SVEP1: variants seen among roughly 807,000 people sequenced by gnomAD.
The protein encoded by SVEP1 is sushi, von Willebrand factor type A, EGF and pentraxin domain-containing protein 1.
A neutral mutation model predicts 367.3 loss-of-function variants in SVEP1; 164 were observed. That is an observed-to-expected ratio of 0.45 (90% CI 0.39 to 0.51). SVEP1 has a LOEUF of 0.51. Ranked by LOEUF, SVEP1 falls within the 20% of genes least tolerant of loss-of-function variation. The probability of loss-of-function intolerance (pLI) is 0.00; values close to 1 mark genes in which losing one functional copy is unlikely to be tolerated. For missense variants in SVEP1, 4,117 were observed against 4,425.3 expected (o/e 0.93, Z 1.98); for synonymous variants, 1,666 against 1,611.6 (o/e 1.03, Z -0.81).
At chr9:110,367,963 C>T (rs983247960) in intron 47 of SVEP1, among the ~76,000 whole-genome samples, 1 of 152,122 alleles carries the variant, frequency 6.6e-6, no homozygotes, top group Non-Finnish European at 1.5e-5. Context: ...TGCCTGTAGT[C>T]CCAGCTACTC....
intron 1 of SVEP1, among the ~76,000 whole-genome samples, chr9:110,560,786 A>G (rs1487222073): frequency 1.3e-5 from 2 of 152,166 alleles, no homozygotes; most frequent in Non-Finnish European, 2.9e-5. Flanking sequence ...AGATGCGTAC[A>G]TTTCCAAGTT....
chr9:110,403,671 T>C (rs1298349586), intron 39 of SVEP1, among the ~76,000 whole-genome samples: 1 of 151,956 alleles, frequency 6.6e-6, no homozygotes, highest in Non-Finnish European at 1.5e-5. Context: ...TATAATAAGA[T>C]TTCATGACAA....
At chr9:110,380,628 A>G (rs1164556292) in intron 43 of SVEP1, among the ~76,000 whole-genome samples, 1 of 152,178 alleles carries the variant, frequency 6.6e-6, no homozygotes, top group Non-Finnish European at 1.5e-5. Context: ...ATTGATGTTC[A>G]TCGGGGAAAT....
In SVEP1 at chr9:110,400,834, T is replaced by G; in HGVS notation, c.9822+20A>C. The G allele has an allele frequency of 6.3e-7, 1 of 1,592,644 alleles. No homozygotes were observed. The highest frequency in any genetic ancestry group is 8.5e-7 in the Non-Finnish European group (1 of 1,170,058). The stretch of plus-strand genomic sequence containing the variant: ...ATTGGAAAAACAAATTATTTCTAGT[T>G]AAACAATTTGTTCGCTTACCTCTAG... On this transcript the variant is annotated intron_variant, in intron 40 of 47. Transcript: ENST00000374469.
At chr9:110,392,153 A>ATATATATC (rs1564128252) in intron 40 of SVEP1, among the ~76,000 whole-genome samples, 1 of 147,728 alleles carries the variant, frequency 6.8e-6, no homozygotes, top group Non-Finnish European at 1.5e-5. Context: ...ATATATATAT[A>ATATATATC]TCTCTTCTCT....
In SVEP1 at chr9:110,447,052, AG is replaced by A; in HGVS notation, c.4108del (p.Leu1370CysfsTer13). The A allele has an allele frequency of 6.7e-7, 1 of 1,489,798 alleles. No individual in the cohort carries two copies. The allele number at this position is 1,489,798 out of a possible 1,614,324, so 92.3% of individuals were successfully genotyped here. On this transcript the variant is annotated frameshift_variant, in exon 25 of 48. Transcript: ENST00000374469. LOFTEE classifies it high-confidence loss of function. ...CKDGANSFRC[L>X]CAAGFTGSHC... ...TGATCCTGTGAAGCCAGCTGCACAC[AG>A]GCATCTGAAAGAAAACAAAATGTTG...
chr9:110,578,992 C>T, intron 1 of SVEP1, 21 bp downstream of exon 1: 1 of 1,508,826 alleles, frequency 6.6e-7, no homozygotes, highest in Non-Finnish European at 8.8e-7. Context: ...GGGCCCGGGT[C>T]GGGAGGGGCG....
intron 43 of SVEP1, among the ~76,000 whole-genome samples, chr9:110,379,787 G>C (rs1432088448): frequency 6.6e-6 from 1 of 152,158 alleles, no homozygotes; most frequent in Non-Finnish European, 1.5e-5. Flanking sequence ...AGGACACCAA[G>C]AATTAGCTCT....
intron 3 of SVEP1, among the ~76,000 whole-genome samples, chr9:110,514,454 G>A (rs1324090575): frequency 6.6e-6 from 1 of 150,552 alleles, no homozygotes; most frequent in African/African-American, 2.4e-5. Flanking sequence ...TGGAGGTTGC[G>A]GTGAGCTGAG....
chr9:110,433,372 A>C (rs1457730550), intron 30 of SVEP1, among the ~76,000 whole-genome samples: 1 of 117,514 alleles, frequency 8.5e-6, no homozygotes, highest in Non-Finnish European at 2.0e-5. Flanking sequence ...GCCAAAAAAA[A>C]AAAAAAAAAA....
At chr9:110,397,364 A>G (rs1693312403) in intron 40 of SVEP1, among the ~76,000 whole-genome samples, 1 of 152,264 alleles carries the variant, frequency 6.6e-6, no homozygotes, top group Non-Finnish European at 1.5e-5. Flanking sequence ...AGAGCTATCT[A>G]TGACAAACCC....
At chr9:110,404,230 C>CTTTTT in intron 39 of SVEP1, 97 bp downstream of exon 39, 1 of 1,213,860 alleles carries the variant, frequency 8.2e-7, no homozygotes, top group Non-Finnish European at 1.2e-6. Flanking sequence ...AAACTTCAGA[C>CTTTTT]TTTTTTTTCT....
At chr9:110,476,813 T>C (rs1054292282) in intron 13 of SVEP1, among the ~76,000 whole-genome samples, 1 of 152,194 alleles carries the variant, frequency 6.6e-6, no homozygotes, top group Non-Finnish European at 1.5e-5. Context: ...ATTCCAGAAT[T>C]CTGGAATTGG....
chr9:110,389,494 T>A (rs762968803), intron 41 of SVEP1, 30 bp downstream of exon 41: 2 of 1,610,280 alleles, frequency 1.2e-6, no homozygotes, highest in South Asian at 1.1e-5. Flanking sequence ...CAGTGTCATT[T>A]TGGGGGCTGC....
At chr9:110,381,314 T>C (rs778364530) in intron 43 of SVEP1, among the ~76,000 whole-genome samples, 2 of 152,210 alleles carry the variant, frequency 1.3e-5, no homozygotes, top group Non-Finnish European at 2.9e-5. Flanking sequence ...CAATCTGAGA[T>C]CTTTTTACCT....
Position 110,408,506 on chromosome 9 carries a change from G to A in SVEP1, c.7094C>T (p.Pro2365Leu). The A allele has an allele frequency of 1.2e-6, 2 of 1,613,852 alleles. No individual in the cohort carries two copies. Among genetic ancestry groups the A allele is most frequent in the Non-Finnish European group, 1.7e-6 (2 of 1,179,856 alleles). ...LQGPSVLKCL[P>L]SQQWNDSFPV... Reference sequence around the variant, plus strand: ...GAAAGAGTCATTCCATTGCTGGGATGGCAAGCATTTCAGGACAGAGGGGCC... The same window carrying A: ...GAAAGAGTCATTCCATTGCTGGGATAGCAAGCATTTCAGGACAGAGGGGCC... Residue 2365 changes from proline (P) to leucine (L), a missense_variant, in exon 38 of 48, where the codon CCA (proline) becomes CTA (leucine). This residue lies in a region of SVEP1 where 1,765 missense variants were observed against 1,781.1 expected (regional missense o/e 0.99). Transcript: ENST00000374469.
intron 28 of SVEP1, 89 bp from the exon 29 acceptor site, chr9:110,435,453 C>T: frequency 6.1e-6 from 9 of 1,476,600 alleles, no homozygotes; most frequent in Non-Finnish European, 8.2e-6. Context: ...TGAAAACATT[C>T]ACAGATTTTT....
chr9:110,512,927 T>A lies in SVEP1; in HGVS notation c.1302A>T (p.Arg434Ser), dbSNP rs578022323. 6.2e-7 allele frequency: 1 copy of A among 1,614,002 alleles called. No homozygotes were observed. Among genetic ancestry groups the A allele is most frequent in the South Asian group, 1.1e-5 (1 of 91,078 alleles). The change falls in exon 5 of 48, where the codon AGA (arginine) becomes AGT (serine). Residue 434 changes from arginine (R) to serine (S), a missense_variant and splice_region_variant. By Grantham distance (110) the Arg-to-Ser change is moderately radical (BLOSUM62 -1). Transcript: ENST00000374469. ...GLWSGSESYCRVRTCPHLRQP... is the reference protein window; with the variant it reads ...GLWSGSESYCSVRTCPHLRQP... ...AATGTAAATTGGCAGTTTGCATACCTCTGCAGTAGCTCTCTGAACCGGACC... is the reference window on the plus strand; with the variant it reads ...AATGTAAATTGGCAGTTTGCATACCACTGCAGTAGCTCTCTGAACCGGACC...
chr9:110,520,466 T>C (rs1829862593), intron 3 of SVEP1, among the ~76,000 whole-genome samples: 1 of 152,208 alleles, frequency 6.6e-6, no homozygotes, highest in Non-Finnish European at 1.5e-5. Context: ...ATAAGCACTT[T>C]CTCTTTTCAG....
Sources: gnomAD v4.1 joint callset for allele counts (sites outside exome capture counted in the v4.1 genomes callset) on GRCh38, gnomAD v4.1.1 for gene constraint, gnomAD v4.1.1 regional missense constraint, MANE v1.5 for transcripts, NCBI Gene and HGNC (gene_info 2026-07-23, HGNC 2026-07-21) for gene names.